The following SMC2 variants were observed in gnomAD, a reference collection of about 807,000 sequenced individuals.
SMC2 encodes the protein structural maintenance of chromosomes protein 2.
SMC2 carries 41 observed loss-of-function variants against 142.6 expected under a neutral mutation model. The ratio of observed to expected loss-of-function variants is 0.29; its 90% CI spans 0.22 to 0.37. The LOEUF (loss-of-function observed/expected upper bound fraction) is 0.37, where lower values mean the gene tolerates loss of function less well. Ranked by LOEUF, SMC2 falls within the 10% of genes least tolerant of loss-of-function variation. The pLI, the probability that SMC2 is intolerant of heterozygous loss-of-function variation, is 1.00. For missense variants in SMC2, 1,265 were observed against 1,373.7 expected (o/e 0.92, Z 1.25); for synonymous variants, 463 against 457.5 (o/e 1.01, Z -0.15).
chr9:104,119,937 A>G, intron 15 of SMC2, 90 bp from the exon 16 acceptor site: 2 of 1,211,116 alleles, frequency 1.7e-6, no homozygotes, highest in South Asian at 1.3e-5. Context: ...TATTGAATCA[A>G]TTTGAGTATA....
intron 9 of SMC2, among the ~76,000 whole-genome samples, chr9:104,106,410 C>T (rs951807060): frequency 4.0e-5 from 6 of 151,848 alleles, no homozygotes; most frequent in South Asian, 4.2e-4. Flanking sequence ...TTTTTTGAGA[C>T]GGAGTTTCAC....
In SMC2 at chr9:104,102,519, A is replaced by G. The variant is rs375881046; in HGVS notation, c.966A>G (p.Lys322=). Reference sequence around the variant, plus strand: ...AAAGCGCATTTGATCTCAAGAAGAAAAATCTGGCATGTGAGGAAAGCAAAC... The same window carrying G: ...AAAGCGCATTTGATCTCAAGAAGAAGAATCTGGCATGTGAGGAAAGCAAAC... ...KSQSAFDLKK[K]NLACEESKRK... Residue 322 remains lysine (K), a synonymous_variant, in exon 9 of 25, where the codon AAA becomes AAG. Coordinates refer to ENST00000374793, the MANE Select transcript of SMC2 (RefSeq NM_006444.3). The G allele has an allele frequency of 2.6e-4, 422 of 1,613,692 alleles. No individual in the cohort carries two copies. The highest frequency in any genetic ancestry group is 3.3e-4 in the Non-Finnish European group (394 of 1,179,854).
chr9:104,111,832 C>A lies in SMC2; in HGVS notation c.1254+18C>A. The A allele has an allele frequency of 6.6e-7, 1 of 1,524,608 alleles. No homozygotes were observed. The highest frequency in any genetic ancestry group is 1.7e-4 in the Middle Eastern group (1 of 5,726). 94.4% of individuals were successfully genotyped at this position (1,524,608 alleles called of 1,614,324 possible). A position where few individuals can be genotyped will look rare whatever the true frequency, so the allele number is the denominator to read the frequency against. On this transcript the variant is annotated intron_variant, in intron 10 of 24. Coordinates refer to ENST00000374793, the MANE Select transcript of SMC2 (RefSeq NM_006444.3). ...CCAAACAGGTAAATAGAGACATTAG[C>A]ACTATGTGATTGCTTTTTTTTCCAA...
At chr9:104,134,685 G>A in intron 23 of SMC2, 110 bp downstream of exon 23, 1 of 727,092 alleles carries the variant, frequency 1.4e-6, no homozygotes, top group Non-Finnish European at 2.1e-6. Context: ...TAGAATTTAA[G>A]GAGTCTAATA....
At chr9:104,123,834 A>G (rs960148284) in intron 17 of SMC2, among the ~76,000 whole-genome samples, 5 of 152,192 alleles carry the variant, frequency 3.3e-5, no homozygotes, top group Non-Finnish European at 5.9e-5. Context: ...AATTCACTTT[A>G]TAGCCATTTC....
intron 4 of SMC2, among the ~76,000 whole-genome samples, chr9:104,098,837 T>TAAA (rs57501335): frequency 1.7e-4 from 25 of 145,496 alleles, no homozygotes; most frequent in Non-Finnish European, 2.9e-4. Flanking sequence ...ATGTTAACTG[T>TAAA]AAAAAAAAAA....
chr9:104,093,864 A>AG (rs11442301), upstream of SMC2, among the ~76,000 whole-genome samples: 49,411 of 152,152 alleles, frequency 0.32, 8,857 homozygotes, highest in East Asian at 0.76. Context: ...AGCCAACCCG[A>AG]GAAGATTCTG....
intron 10 of SMC2, 52 bp from the exon 11 acceptor site, chr9:104,113,264 T>C: frequency 5.0e-6 from 7 of 1,412,050 alleles, no homozygotes; most frequent in Non-Finnish European, 5.7e-6. Context: ...ATTTAATTAC[T>C]AGCACTGTCT....
chr9:104,137,475 C>T (rs1835672064), intron 23 of SMC2, among the ~76,000 whole-genome samples: 1 of 152,050 alleles, frequency 6.6e-6, no homozygotes, highest in African/African-American at 2.4e-5. Flanking sequence ...CAGTGATGTA[C>T]TTAGAGTAAT....
At chr9:104,090,014 G>A (rs1829965881), upstream of SMC2, among the ~76,000 whole-genome samples, 1 of 152,174 alleles carries the variant, frequency 6.6e-6, no homozygotes, top group African/African-American at 2.4e-5. Context: ...TAGGAAAAGT[G>A]ACTTTGAATA....
Position 104,096,141 on chromosome 9 carries a change from A to G in SMC2, c.169-7A>G, listed in dbSNP as rs534485254. 4 of 1,610,040 alleles carry G rather than the reference A, an allele frequency of 2.5e-6. No homozygotes were observed. The highest frequency in any genetic ancestry group is 1.7e-5 in the Admixed American group (1 of 59,484). On this transcript the variant is annotated splice_region_variant and splice_polypyrimidine_tract_variant and intron_variant, in intron 2 of 24. Coordinates refer to ENST00000374793, the MANE Select transcript of SMC2 (RefSeq NM_006444.3). ...GTAATTGTTACACTTTTCATATTTT[A>G]TTTTAGGTTCGGGCTTCTAATTTAC...
chr9:104,114,124 G>C (rs774519676), intron 12 of SMC2, 43 bp downstream of exon 12: 3 of 1,196,772 alleles, frequency 2.5e-6, no homozygotes, highest in Admixed American at 2.6e-5. Context: ...TAATAATCAA[G>C]ACATTTTTAT....
rs891574645 is a variant in SMC2 at position 104,122,996 on chromosome 9, T to C, written c.2133-112T>C. On this transcript the variant is annotated intron_variant, in intron 16 of 24. Transcript: ENST00000374793. ...TATTCCTGTAACCAGTAGCATCTTATATTGTTTATAACGTATGTGAGTTTA... is the reference window on the plus strand; with the variant it reads ...TATTCCTGTAACCAGTAGCATCTTACATTGTTTATAACGTATGTGAGTTTA... The C allele has an allele frequency of 4.4e-5, 48 of 1,082,338 alleles. No homozygotes were observed. The African/African-American group carries it at 6.0e-4, about 14-fold the overall frequency. The allele number at this position is 1,082,338 out of a possible 1,614,324, so 67.0% of individuals were successfully genotyped here. A position where few individuals can be genotyped will look rare whatever the true frequency, so the allele number is the denominator to read the frequency against.
At chr9:104,128,007 G>A (rs1359410614) in intron 20 of SMC2, among the ~76,000 whole-genome samples, 1 of 152,160 alleles carries the variant, frequency 6.6e-6, no homozygotes, top group Non-Finnish European at 1.5e-5. Context: ...TCTTTCATGT[G>A]TCACAGCACC....
intron 6 of SMC2, 43 bp from the exon 7 acceptor site, chr9:104,100,346 G>T (rs1830967830): frequency 6.7e-7 from 1 of 1,481,566 alleles, no homozygotes; most frequent in South Asian, 1.2e-5. Flanking sequence ...AAATTTTAAT[G>T]ATACTTTACA....
At chr9:104,122,599 C>T (rs1156323921) in intron 16 of SMC2, among the ~76,000 whole-genome samples, 1 of 151,592 alleles carries the variant, frequency 6.6e-6, no homozygotes, top group Admixed American at 6.6e-5. Context: ...GCAGCCAGAA[C>T]AGGGATAGAA....
intron 21 of SMC2, 145 bp downstream of exon 21, chr9:104,129,990 G>A (rs570913129): frequency 6.9e-5 from 45 of 650,396 alleles, no homozygotes; most frequent in African/African-American, 5.5e-4. Context: ...TTCTCTTTTC[G>A]TCATTTTTTT....
At chr9:104,120,712 T>G (rs796462275) in intron 16 of SMC2, among the ~76,000 whole-genome samples, 1 of 152,350 alleles carries the variant, frequency 6.6e-6, no homozygotes, top group African/African-American at 2.4e-5. Context: ...GATATGTATA[T>G]ACTTTCCAAC....
intron 9 of SMC2, 151 bp downstream of exon 9, chr9:104,102,724 C>G (rs1831303808): frequency 2.9e-6 from 2 of 684,698 alleles, no homozygotes; most frequent in Non-Finnish European, 4.5e-6. Context: ...ACCAAATGGT[C>G]AAAAATCCTT....
Sources: gnomAD v4.1 joint callset for allele counts (sites outside exome capture counted in the v4.1 genomes callset) on GRCh38, gnomAD v4.1.1 for gene constraint, MANE v1.5 for transcripts, NCBI Gene and HGNC (gene_info 2026-07-23, HGNC 2026-07-21) for gene names.